Variants in PTPRM observed in about 807,000 individuals in gnomAD.
The protein encoded by PTPRM is receptor-type tyrosine-protein phosphatase mu.
A neutral mutation model predicts 186.7 loss-of-function variants in PTPRM; 47 were observed. That is an observed-to-expected ratio of 0.25 (90% confidence interval 0.20 to 0.32). The LOEUF is 0.32. Ranked by LOEUF, PTPRM falls within the 10% of genes least tolerant of loss-of-function variation. The pLI, the probability that PTPRM is intolerant of heterozygous loss-of-function variation, is 1.00. For synonymous variants in PTPRM, 668 were observed against 674.9 expected, an observed-to-expected ratio of 0.99 and a Z score of 0.16; for missense variants, 1,494 against 1,865.0, an observed-to-expected ratio of 0.80 and a Z score of 3.66.
rs869079652 is a variant in PTPRM at position 8,172,265 on chromosome 18, CTTT to C, written c.2300+28503_2300+28505del. 4.6e-3 allele frequency among the ~76,000 whole-genome samples: 633 copies of C among 137,792 alleles called. 2 individuals carry two copies. Among genetic ancestry groups the C allele is most frequent in the African/African-American group, 0.016 (596 of 37,316 alleles). The allele number at this position is 137,792 out of a possible 152,430, so 90.4% of individuals were successfully genotyped here. ...CCTGAATAACATTTCAAGTCTTGAC[CTTT>C]TTTTTTTTTTTTTTTTATAACTTTA... On this transcript the variant is annotated intron_variant, in intron 14 of 32. Transcript: ENST00000580170.
At chr18:8,104,413 T>TTTAAGCTGAAAC (rs545864156) in intron 11 of PTPRM, among the ~76,000 whole-genome samples, 371 of 152,298 alleles carry the variant, frequency 2.4e-3, no homozygotes, top group Non-Finnish European at 3.9e-3. Context: ...TGTTATTATT[T>TTTAAGCTGAAAC]TTAAGCTGAA....
In PTPRM at chr18:8,378,373, G is replaced by T; in HGVS notation, c.3571G>T (p.Asp1191Tyr). The T allele has an allele frequency of 6.2e-7, 1 of 1,614,064 alleles. No individual in the cohort carries two copies. Among genetic ancestry groups the T allele is most frequent in the Non-Finnish European group, 8.5e-7 (1 of 1,179,962 alleles). Residue 1191 changes from aspartate to tyrosine, a missense_variant, in exon 27 of 33, where the codon GAT becomes TAT. This residue lies in a region of PTPRM where 1,107 missense variants were observed against 1,350.2 expected (regional missense o/e 0.82). Transcript: ENST00000580170. ...TCTGTATTATGACATGAACAAACTG[G>T]ATCCACAGACAAACTCAAGCCAGAT... Reference protein sequence around the residue: ...RSLYYDMNKLDPQTNSSQIKE... With the variant: ...RSLYYDMNKLYPQTNSSQIKE...
intron 1 of PTPRM, among the ~76,000 whole-genome samples, chr18:7,720,523 ATTT>A (rs1248134525): frequency 6.6e-6 from 1 of 152,154 alleles, no homozygotes; most frequent in Non-Finnish European, 1.5e-5. Flanking sequence ...CATCTGAACT[ATTT>A]TTTAAGGTAT....
chr18:7,729,801 A>G (rs1301756063), intron 1 of PTPRM, among the ~76,000 whole-genome samples: 1 of 152,182 alleles, frequency 6.6e-6, no homozygotes, highest in Non-Finnish European at 1.5e-5. Flanking sequence ...AACTAATCAT[A>G]TAGAACCATC....
intron 1 of PTPRM, among the ~76,000 whole-genome samples, chr18:7,704,208 C>T (rs1406566458): frequency 6.6e-6 from 1 of 152,074 alleles, no homozygotes; most frequent in Non-Finnish European, 1.5e-5. Context: ...GGGAGGATTT[C>T]CTCTTTTTCT....
At chr18:8,054,578 C>A (rs965403076) in intron 7 of PTPRM, among the ~76,000 whole-genome samples, 12 of 151,802 alleles carry the variant, frequency 7.9e-5, no homozygotes, top group Non-Finnish European at 1.3e-4. Context: ...CTTAAACTTC[C>A]CTTCCCAGTG....
chr18:8,047,955 C>A (rs1270589853), intron 7 of PTPRM, among the ~76,000 whole-genome samples: 1 of 152,122 alleles, frequency 6.6e-6, no homozygotes, highest in East Asian at 1.9e-4. Flanking sequence ...GATGATAGGC[C>A]TCCAAGAGTG....
At chr18:8,313,989 A>G (rs185719591) in intron 20 of PTPRM, among the ~76,000 whole-genome samples, 227 of 152,344 alleles carry the variant, frequency 1.5e-3, no homozygotes, top group African/African-American at 5.2e-3. Context: ...CATTTCTGAA[A>G]AAAATTAAGG....
intron 1 of PTPRM, among the ~76,000 whole-genome samples, chr18:7,750,023 T>G: frequency 6.6e-6 from 1 of 152,224 alleles, no homozygotes; most frequent in South Asian, 2.1e-4. Flanking sequence ...AGCAAAGGTC[T>G]TATTCATTTT....
At chr18:7,862,227 T>C (rs1025793700) in intron 2 of PTPRM, among the ~76,000 whole-genome samples, 3 of 152,194 alleles carry the variant, frequency 2.0e-5, no homozygotes, top group Admixed American at 1.3e-4. Context: ...TAGGTGTCTT[T>C]ATTTATCAGT....
chr18:7,943,389 A>T (rs1164495127), intron 5 of PTPRM, among the ~76,000 whole-genome samples: 2 of 152,040 alleles, frequency 1.3e-5, no homozygotes, highest in Non-Finnish European at 2.9e-5. Context: ...TCATGATTCC[A>T]AAGTGGGGTA....
chr18:8,297,640 A>G (rs72916852), intron 20 of PTPRM, among the ~76,000 whole-genome samples: 1,553 of 152,268 alleles, frequency 0.01, 12 homozygotes, highest in Non-Finnish European at 0.014. Context: ...AATTTTAACT[A>G]TTTTTAATTT....
chr18:8,127,463 A>G (rs75317822), intron 13 of PTPRM, among the ~76,000 whole-genome samples: 180 of 147,670 alleles, frequency 1.2e-3, no homozygotes, highest in African/African-American at 4.3e-3. Context: ...TGTAAAAGAT[A>G]AAATTCCCTT....
At chr18:7,882,995 T>A (rs1471954246) in intron 2 of PTPRM, among the ~76,000 whole-genome samples, 1 of 152,234 alleles carries the variant, frequency 6.6e-6, no homozygotes, top group Non-Finnish European at 1.5e-5. Context: ...CAAAGAGTTT[T>A]CCTTTTTGGG....
intron 14 of PTPRM, among the ~76,000 whole-genome samples, chr18:8,167,477 G>A (rs1037440284): frequency 6.6e-6 from 1 of 152,238 alleles, no homozygotes; most frequent in Non-Finnish European, 1.5e-5. Context: ...ACTGGGACTT[G>A]AAATTTCTTC....
chr18:8,192,747 G>A (rs1265434799), intron 14 of PTPRM, among the ~76,000 whole-genome samples: 1 of 152,200 alleles, frequency 6.6e-6, no homozygotes, highest in African/African-American at 2.4e-5. Context: ...CTAATAATAA[G>A]AATTGTCAGT....
intron 1 of PTPRM, among the ~76,000 whole-genome samples, chr18:7,586,370 A>G (rs2036980367): frequency 6.6e-6 from 1 of 152,066 alleles, no homozygotes; most frequent in Admixed American, 6.6e-5. Flanking sequence ...GACCTGGGGG[A>G]AAGAACATCA....
chr18:7,799,072 C>T (rs1205379218), intron 2 of PTPRM, among the ~76,000 whole-genome samples: 3 of 152,148 alleles, frequency 2.0e-5, no homozygotes, highest in Non-Finnish European at 4.4e-5. Context: ...TAACAAAATA[C>T]CCAAGACTGA....
rs888212041 is a variant in PTPRM, at chr18:7,839,315, C to T, written c.197-48791C>T. On this transcript the variant is annotated intron_variant, in intron 2 of 32. Coordinates refer to ENST00000580170, the MANE Select transcript of PTPRM (RefSeq NM_001105244.2). ...TGTGCTGAGTCTCACCAGAAGCCAGCAAGTCTCAGAGGCTCACCAAGGCCC... is the reference window on the plus strand; with the variant it reads ...TGTGCTGAGTCTCACCAGAAGCCAGTAAGTCTCAGAGGCTCACCAAGGCCC... 2.0e-5 allele frequency among the ~76,000 whole-genome samples: 3 copies of T among 152,218 alleles called. No homozygotes were observed. The South Asian group carries it at 6.2e-4, about 32-fold the overall frequency.
Sources: allele counts gnomAD v4.1 joint callset (sites outside exome capture counted in the v4.1 genomes callset), GRCh38; gene constraint gnomAD v4.1.1; regional missense constraint gnomAD v4.1.1; transcripts MANE v1.5; gene names NCBI Gene and HGNC (gene_info 2026-07-23, HGNC 2026-07-21).